Variants in RRAGC observed in about 807,000 individuals in gnomAD.
The protein encoded by RRAGC is ras-related GTP-binding protein C.
Under a neutral mutation model 37.1 loss-of-function variants are expected in RRAGC, and 8 were observed. The ratio of observed to expected loss-of-function variants is 0.22; its 90% confidence interval spans 0.13 to 0.39. RRAGC has a LOEUF of 0.39. Among genes scored for constraint, RRAGC ranks in the 10% least tolerant of loss-of-function variants. The pLI is 1.00. For synonymous variants in RRAGC, 190 were observed against 181.1 expected (o/e 1.05, Z -0.39); for missense variants, 342 against 497.6 (o/e 0.69, Z 2.98).
chr1:38,842,901 T>C (rs1641981215), intron 6 of RRAGC, among the ~76,000 whole-genome samples: 1 of 152,220 alleles, frequency 6.6e-6, no homozygotes. Flanking sequence ...ATCAAGCAAG[T>C]TGCAGAAGAC....
intron 5 of RRAGC, among the ~76,000 whole-genome samples, chr1:38,850,282 G>A (rs553410271): frequency 6.5e-4 from 99 of 151,970 alleles, no homozygotes; most frequent in Non-Finnish European, 1.2e-3. Context: ...AGGCCGAGGC[G>A]GGTGGATCAC....
intron 5 of RRAGC, 64 bp from the exon 6 acceptor site, chr1:38,846,151 T>G: frequency 7.8e-7 from 1 of 1,289,256 alleles, no homozygotes; most frequent in Non-Finnish European, 1.1e-6. Context: ...ACATTTAATC[T>G]GCACAATGAC....
chr1:38,841,675 AT>A (rs34256362), intron 6 of RRAGC, among the ~76,000 whole-genome samples: 1 of 150,710 alleles, frequency 6.6e-6, no homozygotes. Flanking sequence ...AAAAAAAAAA[AT>A]TTTTTTAAGA....
rs1384815229 is a variant in RRAGC, at chr1:38,857,004, T to C, written c.316A>G (p.Asn106Asp). ...TNKIYKDDIS[N>D]SSFVNFQIWD... ...ATCTGGAAATTCACAAAGGAGCTAT[T>C]GGAAATGTCATCCTTATAAATCTTG... The change falls in exon 2 of 7, where the codon AAT (asparagine) becomes GAT (aspartate). Residue 106 changes from asparagine to aspartate, a missense_variant. Asn to Asp is a conservative substitution (Grantham distance 23). This residue lies in a region of RRAGC where 134 missense variants were observed against 277.2 expected (regional missense o/e 0.48). Coordinates refer to ENST00000373001, the MANE Select transcript of RRAGC (RefSeq NM_022157.4). 1.2e-6 allele frequency: 2 copies of C among 1,614,102 alleles called. No homozygotes were observed. Among genetic ancestry groups the C allele is most frequent in the Admixed American group, 1.7e-5 (1 of 60,018 alleles).
At chr1:38,844,281 C>A (rs541505918) in intron 6 of RRAGC, among the ~76,000 whole-genome samples, 5 of 151,938 alleles carry the variant, frequency 3.3e-5, no homozygotes, top group African/African-American at 9.7e-5. Flanking sequence ...TAAGAGAGAA[C>A]GTCTTACTAA....
chr1:38,858,442 T>C (rs1376813683), intron 1 of RRAGC, among the ~76,000 whole-genome samples: 3 of 152,148 alleles, frequency 2.0e-5, no homozygotes, highest in African/African-American at 7.2e-5. Flanking sequence ...CTCACACCTG[T>C]AATCCCAGCA....
chr1:38,854,040 A>G (rs929566531), intron 3 of RRAGC, among the ~76,000 whole-genome samples: 9 of 150,882 alleles, frequency 6.0e-5, no homozygotes, highest in Non-Finnish European at 1.2e-4. Flanking sequence ...CTTCATCCAT[A>G]GGACTGCTAG....
intron 6 of RRAGC, among the ~76,000 whole-genome samples, chr1:38,842,356 G>C (rs892731178): frequency 6.6e-6 from 1 of 152,138 alleles, no homozygotes; most frequent in Non-Finnish European, 1.5e-5. Flanking sequence ...AATATATATG[G>C]AACAGGTAAA....
intron 1 of RRAGC, among the ~76,000 whole-genome samples, chr1:38,858,836 G>A (rs1313764357): frequency 2.0e-5 from 3 of 152,238 alleles, no homozygotes; most frequent in Non-Finnish European, 4.4e-5. Context: ...AGGGGGAACA[G>A]CACCAGTAAT....
At chr1:38,845,031 T>C (rs1213378263) in intron 6 of RRAGC, among the ~76,000 whole-genome samples, 3 of 152,130 alleles carry the variant, frequency 2.0e-5, no homozygotes, top group African/African-American at 7.2e-5. Context: ...TTGGTAGCAG[T>C]GTAAATTATT....
At chr1:38,858,876 G>A (rs1024421115) in intron 1 of RRAGC, among the ~76,000 whole-genome samples, 6 of 152,234 alleles carry the variant, frequency 3.9e-5, no homozygotes, top group African/African-American at 1.4e-4. Context: ...CTACTGAAAT[G>A]GGTGCAATCT....
intron 1 of RRAGC, among the ~76,000 whole-genome samples, chr1:38,858,557 G>A (rs1424752286): frequency 6.6e-6 from 1 of 152,218 alleles, no homozygotes; most frequent in African/African-American, 2.4e-5. Flanking sequence ...AATTAGCCGG[G>A]CGTGGTGGCG....
intron 3 of RRAGC, among the ~76,000 whole-genome samples, chr1:38,855,230 A>T (rs1642154001): frequency 6.6e-6 from 1 of 152,200 alleles, no homozygotes; most frequent in Non-Finnish European, 1.5e-5. Flanking sequence ...GCCAGCAGGA[A>T]AAATAAAAAT....
At position 38,839,853 on chromosome 1, in the gene RRAGC, C is replaced by T. The variant is rs1327034255; in HGVS notation, c.1049-149G>A. The T allele has an allele frequency of 7.6e-6, 6 of 790,416 alleles. No homozygotes were observed. In the Admixed American group the frequency reaches 1.3e-4, roughly 17 times the overall value. 49.0% of individuals were successfully genotyped at this position (790,416 alleles called of 1,614,324 possible). On this transcript the variant is annotated intron_variant, in intron 6 of 6. Coordinates refer to ENST00000373001, the MANE Select transcript of RRAGC (RefSeq NM_022157.4). ...ATAGCAACTTCTTCAATCGTAAGAA[C>T]AGCTGGTCATCGGTCAGGTGCAGTG...
intron 6 of RRAGC, among the ~76,000 whole-genome samples, chr1:38,842,472 C>T (rs572413239): frequency 6.6e-6 from 1 of 151,982 alleles, no homozygotes; most frequent in Non-Finnish European, 1.5e-5. Flanking sequence ...AATAAGATAC[C>T]CTTTCACACC....
At chr1:38,856,828 T>C in intron 2 of RRAGC, 51 bp downstream of exon 2, 17 of 1,556,970 alleles carry the variant, frequency 1.1e-5, no homozygotes, top group Non-Finnish European at 1.4e-5. Flanking sequence ...TTTCCTTTGT[T>C]TCTACATCTT....
At chr1:38,850,390 T>C (rs7513882) in intron 5 of RRAGC, among the ~76,000 whole-genome samples, 22,974 of 151,786 alleles carry the variant, frequency 0.15, 2,220 homozygotes, top group Non-Finnish European at 0.22. Context: ...GGCGGGCACC[T>C]GTAGTCCCAG....
intron 6 of RRAGC, among the ~76,000 whole-genome samples, chr1:38,845,132 C>T (rs1160892905): frequency 1.3e-5 from 2 of 152,258 alleles, no homozygotes; most frequent in East Asian, 3.9e-4. Flanking sequence ...TGGGTATATA[C>T]CCAAGGGATT....
chr1:38,844,989 G>A (rs774985565), intron 6 of RRAGC, among the ~76,000 whole-genome samples: 1 of 152,216 alleles, frequency 6.6e-6, no homozygotes, highest in Non-Finnish European at 1.5e-5. Flanking sequence ...ATGCTGGAGA[G>A]GATGTGGAGA....
Sources: allele counts gnomAD v4.1 joint callset (sites outside exome capture counted in the v4.1 genomes callset), GRCh38; gene constraint gnomAD v4.1.1; regional missense constraint gnomAD v4.1.1; transcripts MANE v1.5; gene names NCBI Gene and HGNC (gene_info 2026-07-23, HGNC 2026-07-21).